VRK3: variants seen among roughly 807,000 people sequenced by gnomAD.
The protein encoded by VRK3 is VRK serine/threonine kinase 3.
A neutral mutation model predicts 60.4 loss-of-function variants in VRK3; 50 were observed. The observed-to-expected ratio is 0.83, with a 90% confidence interval of 0.66 to 1.05. The LOEUF (loss-of-function observed/expected upper bound fraction) is 1.05. VRK3 is among the 50% of genes least tolerant of loss of function. VRK3 has a pLI of 0.00. For synonymous variants in VRK3, 246 were observed against 227.8 expected, an observed-to-expected ratio of 1.08 and a Z score of -0.72; for missense variants, 549 against 585.3, an observed-to-expected ratio of 0.94 and a Z score of 0.64.
At chr19:49,981,937 G>T in intron 12 of VRK3, 1 of 703,428 alleles carries the variant, frequency 1.4e-6, no homozygotes, top group Non-Finnish European at 2.3e-6. Context: ...TGCTGTGCCT[G>T]AGAGGGGGTC....
rs201846711 is a variant in VRK3, at chr19:50,007,559, C to G, written c.547+10G>C. 5.6e-6 allele frequency: 9 copies of G among 1,613,358 alleles called. No homozygotes were observed. Among genetic ancestry groups the G allele is most frequent in the Admixed American group, 1.7e-5 (1 of 60,006 alleles). ...GACCCAGTCCCTGGCCGCCCATGGA[C>G]AGAGTGTACCTTCATAGAGAATGCC... On this transcript the variant is annotated intron_variant, in intron 5 of 14. Transcript: ENST00000316763.
intron 13 of VRK3, among the ~76,000 whole-genome samples, chr19:49,980,093 A>C (rs2076398105): frequency 6.6e-6 from 1 of 151,028 alleles, no homozygotes; most frequent in South Asian, 2.1e-4. Flanking sequence ...AATAATTAAA[A>C]AATGAGCCTT....
intron 12 of VRK3, among the ~76,000 whole-genome samples, chr19:49,984,188 G>C (rs1197837425): frequency 6.6e-6 from 1 of 152,120 alleles, no homozygotes; most frequent in Admixed American, 6.6e-5. Flanking sequence ...GGGAGCCTTG[G>C]AGACCAGTTT....
rs1025960666 is a variant in VRK3, at chr19:50,007,958, A to G, written c.290-132T>C. On this transcript the variant is annotated intron_variant, in intron 4 of 14. Transcript: ENST00000316763. Reference sequence around the variant, plus strand: ...CAACAAACATTTCCTGGGACCTTCTATGAGTCAGGCCTTTGTGTGATGATG... The same window carrying G: ...CAACAAACATTTCCTGGGACCTTCTGTGAGTCAGGCCTTTGTGTGATGATG... The G allele has an allele frequency of 3.0e-6, 4 of 1,317,552 alleles. No homozygotes were observed. The African/African-American group carries it at 4.5e-5, about 15-fold the overall frequency. 81.6% of individuals were successfully genotyped at this position (1,317,552 alleles called of 1,614,324 possible). A position where few individuals can be genotyped will look rare whatever the true frequency, so the allele number is the denominator to read the frequency against.
intron 1 of VRK3, among the ~76,000 whole-genome samples, chr19:50,021,030 C>T (rs1190029431): frequency 1.3e-5 from 2 of 152,188 alleles, no homozygotes; most frequent in East Asian, 3.9e-4. Flanking sequence ...AGGAGGGCCT[C>T]GCCCAGAGGG....
intron 3 of VRK3, among the ~76,000 whole-genome samples, chr19:50,011,270 C>G (rs140091767): frequency 6.6e-6 from 1 of 152,222 alleles, no homozygotes; most frequent in Non-Finnish European, 1.5e-5. Flanking sequence ...CCTTACTTTC[C>G]TACCACTTAG....
intron 6 of VRK3, chr19:49,999,905 T>C (rs1190393330): frequency 6.6e-6 from 1 of 152,228 alleles, no homozygotes; most frequent in Non-Finnish European, 1.5e-5. Flanking sequence ...AAGTGTTAAA[T>C]GGGACACGGT....
intron 5 of VRK3, 50 bp from the exon 6 acceptor site, chr19:50,000,904 G>A (rs759789067): frequency 6.4e-7 from 1 of 1,568,782 alleles, no homozygotes; most frequent in Non-Finnish European, 8.7e-7. Context: ...CGGAAGGTCA[G>A]GGTCATCATC....
intron 6 of VRK3, 62 bp from the exon 7 acceptor site, chr19:49,997,632 TC>T: frequency 6.3e-7 from 1 of 1,582,996 alleles, no homozygotes; most frequent in Non-Finnish European, 8.6e-7. Context: ...GGGCCCCCAG[TC>T]CCCACTGGCA....
chr19:49,978,107 G>A (rs2076361694), intron 14 of VRK3, among the ~76,000 whole-genome samples: 1 of 152,204 alleles, frequency 6.6e-6, no homozygotes, highest in Non-Finnish European at 1.5e-5. Flanking sequence ...GCTGACCACG[G>A]GGCCGGGGGA....
At chr19:50,000,619 G>A (rs1012075532) in intron 6 of VRK3, 171 bp downstream of exon 6, 10 of 716,594 alleles carry the variant, frequency 1.4e-5, no homozygotes, top group Non-Finnish European at 2.4e-5. Context: ...CAACACCCTG[G>A]GATGATGGAG....
At chr19:49,993,076 T>A (rs2076639756) in intron 9 of VRK3, 124 bp from the exon 10 acceptor site, 12 of 771,756 alleles carry the variant, frequency 1.6e-5, no homozygotes, top group Non-Finnish European at 1.9e-5. Flanking sequence ...GACTGGGGGT[T>A]AAACCTGACT....
intron 12 of VRK3, chr19:49,986,845 C>T: frequency 6.6e-6 from 1 of 152,382 alleles, no homozygotes. Context: ...CTTTAGACTT[C>T]ACTCCTGCAC....
chr19:49,991,339 G>A (rs1349054318), intron 10 of VRK3, among the ~76,000 whole-genome samples: 3 of 152,062 alleles, frequency 2.0e-5, no homozygotes, highest in Non-Finnish European at 2.9e-5. Context: ...CTAGAACATT[G>A]GTCTTTTCCT....
rs961302174 is a variant in VRK3, at chr19:50,000,650, C to T, written c.612+140G>A. Reference sequence around the variant, plus strand: ...TGGAGAACTGGGCGCCTGCCCCGCCCACGGTCTTAATACTCCTTGCAGGTG... The same window carrying T: ...TGGAGAACTGGGCGCCTGCCCCGCCTACGGTCTTAATACTCCTTGCAGGTG... On this transcript the variant is annotated intron_variant, in intron 6 of 14. Transcript: ENST00000316763. 4 of 981,174 alleles carry T rather than the reference C, an allele frequency of 4.1e-6. No individual in the cohort carries two copies. In the Admixed American group the frequency reaches 6.8e-5, roughly 17 times the overall value. 60.8% of individuals were successfully genotyped at this position (981,174 alleles called of 1,614,324 possible). A position where few individuals can be genotyped will look rare whatever the true frequency, so the allele number is the denominator to read the frequency against.
intron 2 of VRK3, among the ~76,000 whole-genome samples, chr19:50,017,611 T>G (rs1057168040): frequency 6.7e-6 from 1 of 150,290 alleles, no homozygotes; most frequent in Admixed American, 6.6e-5. Context: ...GTGAAACTAT[T>G]GAAATAGAAG....
chr19:49,987,675 G>C lies in VRK3; in HGVS notation c.1217+697C>G, dbSNP rs11669024. The C allele has an allele frequency of 3.4e-5, 5 of 148,410 alleles. No individual in the cohort carries two copies. The East Asian group carries it at 6.0e-4, about 18-fold the overall frequency. 9.2% of individuals were successfully genotyped at this position (148,410 alleles called of 1,614,324 possible). ...TTGCCTGCATGTTTGTGATGAATGA[G>C]TCATAGTTTCCCACACACAATGAGC... On this transcript the variant is annotated intron_variant, in intron 12 of 14. Transcript: ENST00000316763.
intron 5 of VRK3, among the ~76,000 whole-genome samples, 157 bp downstream of exon 5, chr19:50,007,412 T>C (rs2076914653): frequency 1.3e-5 from 2 of 152,030 alleles, no homozygotes; most frequent in African/African-American, 4.8e-5. Flanking sequence ...GCCCTGCAGG[T>C]GGGTAGGTAT....
At chr19:50,007,478 G>T in intron 5 of VRK3, 91 bp downstream of exon 5, 2 of 1,564,244 alleles carry the variant, frequency 1.3e-6, no homozygotes, top group Non-Finnish European at 1.7e-6. Flanking sequence ...CTAGGGATGT[G>T]GCTTCCATTC....
Sources: allele counts gnomAD v4.1 joint callset (sites outside exome capture counted in the v4.1 genomes callset), GRCh38; gene constraint gnomAD v4.1.1; transcripts MANE v1.5; gene names NCBI Gene and HGNC (gene_info 2026-07-23, HGNC 2026-07-21).